ZNF354B: variants seen among roughly 807,000 people sequenced by gnomAD.
ZNF354B encodes the protein zinc finger protein 354B.
ZNF354B carries 10 observed loss-of-function variants against 12.9 expected under a neutral mutation model. That is an observed-to-expected ratio of 0.77 (90% CI 0.48 to 1.31). The LOEUF (loss-of-function observed/expected upper bound fraction) is 1.31, where lower values mean the gene tolerates loss of function less well. ZNF354B is among the 40% of genes most tolerant of loss of function. ZNF354B has a pLI of 0.00. For synonymous variants in ZNF354B, 260 were observed against 243.7 expected, an observed-to-expected ratio of 1.07 and a Z score of -0.62; for missense variants, 614 against 711.7, an observed-to-expected ratio of 0.86 and a Z score of 1.56.
chr5:178,874,384 C>T (rs933606158), intron 4 of ZNF354B, among the ~76,000 whole-genome samples: 2 of 152,140 alleles, frequency 1.3e-5, no homozygotes, highest in East Asian at 1.9e-4. Flanking sequence ...GGCAATGAGT[C>T]GTAGATTTTG....
intron 4 of ZNF354B, among the ~76,000 whole-genome samples, chr5:178,873,903 C>T (rs1318114716): frequency 6.7e-6 from 1 of 149,124 alleles, no homozygotes; most frequent in Non-Finnish European, 1.5e-5. Context: ...TTTTTATTTT[C>T]TTCCATCAGT....
At position 178,884,449 on chromosome 5, in the gene ZNF354B, T is replaced by G; in HGVS notation, c.*158T>G. ...TGGGAAAAGCTTTTATACTTGTCAC[T>G]CACTTTTTAAAATATCCCGAGACAG... is the stretch of plus-strand genomic sequence containing the variant. On this transcript the variant is annotated 3_prime_UTR_variant, in exon 5 of 5. Transcript: ENST00000322434. The G allele has an allele frequency of 1.3e-6, 1 of 755,904 alleles. No individual in the cohort carries two copies. The highest frequency in any genetic ancestry group is 2.9e-5 in the East Asian group (1 of 34,864). 46.8% of individuals were successfully genotyped at this position (755,904 alleles called of 1,614,324 possible). A position where few individuals can be genotyped will look rare whatever the true frequency, so the allele number is the denominator to read the frequency against.
intron 2 of ZNF354B, among the ~76,000 whole-genome samples, chr5:178,862,146 A>G (rs1054026940): frequency 6.6e-6 from 1 of 152,032 alleles, no homozygotes; most frequent in Non-Finnish European, 1.5e-5. Context: ...AGGGCTTTAC[A>G]TTTGTTCTCT....
chr5:178,865,113 T>C (rs879809681), intron 2 of ZNF354B, among the ~76,000 whole-genome samples: 5 of 152,222 alleles, frequency 3.3e-5, no homozygotes, highest in Non-Finnish European at 5.9e-5. Context: ...GAGCCCGATA[T>C]GGTTTTAAGT....
At chr5:178,876,413 C>A (rs1561669798) in intron 4 of ZNF354B, among the ~76,000 whole-genome samples, 1 of 152,250 alleles carries the variant, frequency 6.6e-6, no homozygotes, top group Admixed American at 6.5e-5. Flanking sequence ...AAAATAGCAG[C>A]CTGCCTCTCC....
intron 4 of ZNF354B, among the ~76,000 whole-genome samples, chr5:178,873,945 T>G (rs1757598761): frequency 6.9e-6 from 1 of 145,802 alleles, no homozygotes; most frequent in Admixed American, 6.8e-5. Flanking sequence ...AGTCCTCTGT[T>G]TTTTTTTTCT....
chr5:178,877,520 G>A (rs978649445), intron 4 of ZNF354B, among the ~76,000 whole-genome samples: 2 of 152,128 alleles, frequency 1.3e-5, no homozygotes, highest in Non-Finnish European at 2.9e-5. Context: ...GGGAACAGAA[G>A]GGGAAAAAAG....
chr5:178,871,364 G>A (rs946027777), intron 4 of ZNF354B, among the ~76,000 whole-genome samples: 8 of 152,162 alleles, frequency 5.3e-5, no homozygotes, highest in South Asian at 2.1e-4. Context: ...GCAGTCATGC[G>A]TCCATGTGGC....
chr5:178,880,051 A>G (rs111472711), intron 4 of ZNF354B, among the ~76,000 whole-genome samples: 22,552 of 152,108 alleles, frequency 0.15, 2,055 homozygotes, highest in African/African-American at 0.25. Context: ...GTGTGAACCC[A>G]GGAGGTGGAG....
At chr5:178,868,577 A>G (rs1186131017) in intron 4 of ZNF354B, among the ~76,000 whole-genome samples, 1 of 151,996 alleles carries the variant, frequency 6.6e-6, no homozygotes, top group African/African-American at 2.4e-5. Context: ...TGGGAAAGAC[A>G]CTCGGTGCTG....
At chr5:178,878,935 A>C (rs1470617006) in intron 4 of ZNF354B, among the ~76,000 whole-genome samples, 1 of 152,098 alleles carries the variant, frequency 6.6e-6, no homozygotes, top group Non-Finnish European at 1.5e-5. Flanking sequence ...TCCTGACTTC[A>C]AATGATGCAC....
intron 2 of ZNF354B, among the ~76,000 whole-genome samples, chr5:178,862,241 A>G (rs896097227): frequency 1.3e-5 from 2 of 152,162 alleles, no homozygotes; most frequent in African/African-American, 4.8e-5. Flanking sequence ...ACCTGAGTAC[A>G]GTCCAAGTAT....
rs760773763 is a variant in ZNF354B, at chr5:178,883,470, T to G, written c.1018T>G (p.Ser340Ala). Residue 340 changes from serine to alanine, a missense_variant, in exon 5 of 5, where the codon TCC (serine) becomes GCC (alanine). Coordinates refer to ENST00000322434, the MANE Select transcript of ZNF354B (RefSeq NM_058230.3). ...CAGGAAGGCATCCAGTTACAGCACTTCCCTTTCTGGAAGTCAGAAAATTCA... is the reference window on the plus strand; with the variant it reads ...CAGGAAGGCATCCAGTTACAGCACTGCCCTTTCTGGAAGTCAGAAAATTCA... ...PGRKASSYSTSLSGSQKIHLR... is the reference protein window; with the variant it reads ...PGRKASSYSTALSGSQKIHLR... 2.5e-6 allele frequency: 4 copies of G among 1,613,914 alleles called. No homozygotes were observed. Among genetic ancestry groups the G allele is most frequent in the African/African-American group, 1.3e-5 (1 of 74,930 alleles).
At chr5:178,877,737 A>G (rs1757659142) in intron 4 of ZNF354B, among the ~76,000 whole-genome samples, 1 of 152,192 alleles carries the variant, frequency 6.6e-6, no homozygotes, top group South Asian at 2.1e-4. Flanking sequence ...GCTTCAAGCC[A>G]TGAGATGAGG....
intron 4 of ZNF354B, among the ~76,000 whole-genome samples, chr5:178,879,333 C>A (rs1467309058): frequency 6.6e-6 from 1 of 151,810 alleles, no homozygotes; most frequent in Admixed American, 6.6e-5. Flanking sequence ...AGACGGGAGC[C>A]GCTGTGCCCA....
At chr5:178,874,746 G>T (rs1005790023) in intron 4 of ZNF354B, among the ~76,000 whole-genome samples, 1 of 152,112 alleles carries the variant, frequency 6.6e-6, no homozygotes, top group Non-Finnish European at 1.5e-5. Context: ...CATTTCAGCC[G>T]CTTAGGAGCC....
chr5:178,881,549 A>G (rs79128416), intron 4 of ZNF354B, among the ~76,000 whole-genome samples: 22,504 of 152,062 alleles, frequency 0.15, 2,010 homozygotes, highest in African/African-American at 0.25. Context: ...CCTTATATAG[A>G]TTTTTCATAT....
At chr5:178,869,912 G>GGACA (rs1413982011) in intron 4 of ZNF354B, among the ~76,000 whole-genome samples, 4 of 152,154 alleles carry the variant, frequency 2.6e-5, no homozygotes, top group Admixed American at 6.5e-5. Flanking sequence ...GATTGCCCCA[G>GGACA]GACAGCTTCC....
chr5:178,884,274 G>GT lies in ZNF354B; in HGVS notation c.1822_1823insT (p.Ala608ValfsTer24). On this transcript the variant is annotated frameshift_variant, in exon 5 of 5. Transcript: ENST00000322434. LOFTEE classifies it high-confidence loss of function. ...TCACATTGAAGAGGACTCCTTAAAA[G>GT]CCGATTTGCATGTGTGAAAGCCTTA... 6.3e-7 allele frequency: 1 copy of GT among 1,587,862 alleles called. No homozygotes were observed. The highest frequency in any genetic ancestry group is 8.6e-7 in the Non-Finnish European group (1 of 1,168,262).
Sources: allele counts gnomAD v4.1 joint callset (sites outside exome capture counted in the v4.1 genomes callset), GRCh38; gene constraint gnomAD v4.1.1; transcripts MANE v1.5; gene names NCBI Gene and HGNC (gene_info 2026-07-23, HGNC 2026-07-21).